The following KCTD7 variants were observed in gnomAD, a reference collection of about 807,000 sequenced individuals.
The protein encoded by KCTD7 is potassium channel tetramerization domain containing 7.
Under a neutral mutation model 27.0 loss-of-function variants are expected in KCTD7, and 15 were observed. That is an observed-to-expected ratio of 0.56 (90% confidence interval 0.37 to 0.86). The LOEUF is 0.86. Among genes scored for constraint, KCTD7 ranks in the 40% least tolerant of loss-of-function variants. KCTD7 has a pLI of 0.00. For synonymous variants in KCTD7, 159 were observed against 162.7 expected (o/e 0.98, Z 0.17); for missense variants, 299 against 398.9 (o/e 0.75, Z 2.13).
chr7:66,630,039 A>C (rs1309083373), intron 1 of KCTD7, among the ~76,000 whole-genome samples: 1 of 152,188 alleles, frequency 6.6e-6, no homozygotes, highest in East Asian at 1.9e-4. Flanking sequence ...TGGGATGCTG[A>C]GGTGGGAGGA....
rs570351540 is a variant in KCTD7, at chr7:66,642,573, T to C, written c.*3341T>C. ...CTACTGATGCTGAGCGTTTTGATCC[T>C]AGTAATATTTCAAATATTGTCCTTC... On this transcript the variant is annotated 3_prime_UTR_variant, in exon 4 of 4. Transcript: ENST00000639828. The C allele has an allele frequency of 2.2e-5, 22 of 985,470 alleles. No homozygotes were observed. The African/African-American group carries it at 3.8e-4, about 17-fold the overall frequency. 61.0% of individuals were successfully genotyped at this position (985,470 alleles called of 1,614,324 possible).
At chr7:66,637,833 G>A (rs1584398792) in intron 2 of KCTD7, among the ~76,000 whole-genome samples, 1 of 151,890 alleles carries the variant, frequency 6.6e-6, no homozygotes, top group Admixed American at 6.6e-5. Flanking sequence ...AAAAACAACT[G>A]AACTGTACAG....
At chr7:66,634,270 C>G (rs755382488) in intron 2 of KCTD7, among the ~76,000 whole-genome samples, 6 of 151,536 alleles carry the variant, frequency 4.0e-5, no homozygotes, top group Non-Finnish European at 5.9e-5. Flanking sequence ...CCAGACTGGT[C>G]TCAAGCTCCT....
At chr7:66,634,086 A>G (rs1219171875) in intron 2 of KCTD7, among the ~76,000 whole-genome samples, 1 of 140,794 alleles carries the variant, frequency 7.1e-6, no homozygotes, top group African/African-American at 2.7e-5. Context: ...ACACATATAT[A>G]TATATGTATA....
chr7:66,629,369 T>TGCACCCCTACCCACAC (rs1554397299), intron 1 of KCTD7, among the ~76,000 whole-genome samples, 161 bp downstream of exon 1: 8 of 59,092 alleles, frequency 1.4e-4, no homozygotes, highest in South Asian at 4.9e-4. Context: ...CCCGCCCACC[T>TGCACCCCTACCCACAC]GCACCCCTAC....
At position 66,633,355 on chromosome 7, in the gene KCTD7, C is replaced by G. The variant is rs150589535; in HGVS notation, c.225C>G (p.Thr75=). The G allele has an allele frequency of 6.2e-7, 1 of 1,613,880 alleles. No individual in the cohort carries two copies. The highest frequency in any genetic ancestry group is 1.3e-5 in the African/African-American group (1 of 74,904). Residue 75 remains threonine (T), a synonymous_variant, in exon 2 of 4, where the codon ACC becomes ACG. Coordinates refer to ENST00000639828, the MANE Select transcript of KCTD7 (RefSeq NM_153033.5). The stretch of plus-strand genomic sequence containing the variant: ...CCACACTGCGGTGCTACGAAGACAC[C>G]ATGTTGGCAGCCATGTTCAGTGGGC... The part of the protein sequence containing the change: ...RLSTLRCYED[T]MLAAMFSGRH...
At chr7:66,634,220 A>ATCTATCTG (rs1562647983) in intron 2 of KCTD7, among the ~76,000 whole-genome samples, 1 of 149,640 alleles carries the variant, frequency 6.7e-6, no homozygotes, top group Non-Finnish European at 1.5e-5. Context: ...CTATCTATCT[A>ATCTATCTG]TCTATCTATA....
In KCTD7 at chr7:66,640,418, C is replaced by T. The variant is rs1289883493; in HGVS notation, c.*1186C>T. The T allele has an allele frequency of 1.3e-6, 2 of 1,537,236 alleles. No individual in the cohort carries two copies. The highest frequency in any genetic ancestry group is 3.9e-5 in the Admixed American group (2 of 50,982). On this transcript the variant is annotated 3_prime_UTR_variant, in exon 4 of 4. Coordinates refer to ENST00000639828, the MANE Select transcript of KCTD7 (RefSeq NM_153033.5). The stretch of plus-strand genomic sequence containing the variant: ...GAAATTGAAAAAGATCCCCAAGGAT[C>T]TGTTACTACTGCATTTCCTTCTTGC...
At chr7:66,629,256 G>T in intron 1 of KCTD7, 48 bp downstream of exon 1, 1 of 898,732 alleles carries the variant, frequency 1.1e-6, no homozygotes, top group South Asian at 2.8e-5. Context: ...GGGCGCGGGG[G>T]AGAAGCGGGC....
At position 66,638,315 on chromosome 7, in the gene KCTD7, A is replaced by T. The variant is rs1786633050; in HGVS notation, c.377A>T (p.Tyr126Phe). The T allele has an allele frequency of 6.2e-7, 1 of 1,614,128 alleles. No individual in the cohort carries two copies. Among genetic ancestry groups the T allele is most frequent in the Non-Finnish European group, 8.5e-7 (1 of 1,180,052 alleles). Residue 126 changes from tyrosine (Y) to phenylalanine (F), a missense_variant, in exon 3 of 4, where the codon TAC (tyrosine) becomes TTC (phenylalanine). By Grantham distance (22) the Tyr-to-Phe change is conservative. Coordinates refer to ENST00000639828, the MANE Select transcript of KCTD7 (RefSeq NM_153033.5). ...LPPRERVRAV[Y>F]KEAQYYAIGP... is the part of the protein sequence containing the mutation. ...CCCAGGGAGCGTGTTCGAGCTGTGTACAAAGAGGCCCAGTACTATGCCATC... is the reference window on the plus strand; with the variant it reads ...CCCAGGGAGCGTGTTCGAGCTGTGTTCAAAGAGGCCCAGTACTATGCCATC...
chr7:66,629,308 T>C (rs1196893605), intron 1 of KCTD7, 100 bp downstream of exon 1: 1 of 285,338 alleles, frequency 3.5e-6, no homozygotes, highest in Admixed American at 6.3e-5. Context: ...GGGCCGGGGT[T>C]GGGGGCGGGG....
intron 2 of KCTD7, among the ~76,000 whole-genome samples, chr7:66,635,980 A>T (rs1252968693): frequency 6.6e-6 from 1 of 152,098 alleles, no homozygotes; most frequent in African/African-American, 2.4e-5. Context: ...GGATGTGCCC[A>T]TGCTCAGGTG....
intron 3 of KCTD7, 180 bp downstream of exon 3, chr7:66,638,611 G>A: frequency 2.5e-6 from 2 of 804,680 alleles, no homozygotes; most frequent in Non-Finnish European, 3.9e-6. Flanking sequence ...GGCCTACCTG[G>A]CCTATGACAG....
At chr7:66,630,120 AGCCAG>A in intron 1 of KCTD7, among the ~76,000 whole-genome samples, 1 of 152,104 alleles carries the variant, frequency 6.6e-6, no homozygotes, top group Non-Finnish European at 1.5e-5. Flanking sequence ...AATGAAAATT[AGCCAG>A]GCTTGGTGGT....
In KCTD7 at chr7:66,637,451, C is replaced by T. The variant is rs1261237058; in HGVS notation, c.315-802C>T. ...TAATAGCCAAAAACTGGAAACAACC[C>T]AAATGTCCATCAACAAGACAACAGG... On this transcript the variant is annotated intron_variant, in intron 2 of 3. Coordinates refer to ENST00000639828, the MANE Select transcript of KCTD7 (RefSeq NM_153033.5). 3.3e-5 allele frequency among the ~76,000 whole-genome samples: 5 copies of T among 152,126 alleles called. No individual in the cohort carries two copies. In the East Asian group the frequency reaches 9.6e-4, roughly 29 times the overall value.
rs1179310210 is a variant in KCTD7, at chr7:66,639,875, C to G, written c.*643C>G. ...ACCATAGCTGCCAAAGCTATGCACC[C>G]AGTTGGCCTTAGAAAACCACAATGT... On this transcript the variant is annotated 3_prime_UTR_variant, in exon 4 of 4. Transcript: ENST00000639828. 1 of 1,245,886 alleles carries G rather than the reference C, an allele frequency of 8.0e-7. No individual in the cohort carries two copies. The highest frequency in any genetic ancestry group is 1.0e-6 in the Non-Finnish European group (1 of 996,142). The allele number at this position is 1,245,886 out of a possible 1,614,324, so 77.2% of individuals were successfully genotyped here. A position where few individuals can be genotyped will look rare whatever the true frequency, so the allele number is the denominator to read the frequency against.
chr7:66,640,544 C>T lies in KCTD7; in HGVS notation c.*1312C>T. 1 of 1,472,368 alleles carries T rather than the reference C, an allele frequency of 6.8e-7. No homozygotes were observed. Among genetic ancestry groups the T allele is most frequent in the Non-Finnish European group, 9.0e-7 (1 of 1,116,438 alleles). The allele number at this position is 1,472,368 out of a possible 1,614,324, so 91.2% of individuals were successfully genotyped here. ...ATCACAATGTAACATTTCCATGCTG[C>T]ATTAAGGGTGTCTCTCTCTAATCAT... On this transcript the variant is annotated 3_prime_UTR_variant, in exon 4 of 4. Coordinates refer to ENST00000639828, the MANE Select transcript of KCTD7 (RefSeq NM_153033.5).
intron 2 of KCTD7, among the ~76,000 whole-genome samples, chr7:66,634,038 CATT>C (rs1176286869): frequency 1.7e-4 from 26 of 149,504 alleles, no homozygotes; most frequent in African/African-American, 5.6e-4. Flanking sequence ...TTATTTATCT[CATT>C]ATACACCCAC....
Position 66,638,356 on chromosome 7 carries a change from C to A in KCTD7, c.418C>A (p.Gln140Lys). The stretch of plus-strand genomic sequence containing the variant: ...CTATGCCATCGGGCCCCTCCTGGAG[C>A]AGCTGGAGAACATGCAGCCACTGAA... ...QYYAIGPLLE[Q>K]LENMQPLKGE... Residue 140 changes from glutamine (Q) to lysine (K), a missense_variant, in exon 3 of 4, where the codon CAG becomes AAG. Coordinates refer to ENST00000639828, the MANE Select transcript of KCTD7 (RefSeq NM_153033.5). The A allele has an allele frequency of 6.2e-7, 1 of 1,614,220 alleles. No homozygotes were observed. Among genetic ancestry groups the A allele is most frequent in the South Asian group, 1.1e-5 (1 of 91,086 alleles).
Sources: gnomAD v4.1 joint callset for allele counts (sites outside exome capture counted in the v4.1 genomes callset) on GRCh38, gnomAD v4.1.1 for gene constraint, MANE v1.5 for transcripts, NCBI Gene and HGNC (gene_info 2026-07-23, HGNC 2026-07-21) for gene names.